PAX5: variants seen among roughly 807,000 people sequenced by gnomAD.
The protein encoded by PAX5 is paired box protein Pax-5.
PAX5 carries 9 observed loss-of-function variants against 43.7 expected under a neutral mutation model. The observed-to-expected ratio is 0.21, with a 90% CI of 0.12 to 0.36. The LOEUF (loss-of-function observed/expected upper bound fraction) is 0.36, where lower values mean the gene tolerates loss of function less well. Among genes scored for constraint, PAX5 ranks in the 10% least tolerant of loss-of-function variants. The probability of loss-of-function intolerance (pLI) is 1.00; values close to 1 mark genes in which losing one functional copy is unlikely to be tolerated. For synonymous variants in PAX5, 228 were observed against 214.3 expected (o/e 1.06, Z -0.56); for missense variants, 383 against 532.7 (o/e 0.72, Z 2.77).
chr9:36,864,872 A>G (rs1893934), intron 8 of PAX5, among the ~76,000 whole-genome samples: 132,657 of 152,208 alleles, frequency 0.87, 58,238 homozygotes, highest in East Asian at 0.97. Context: ...AGACGAGGCC[A>G]GAGAGGCGCT....
intron 7 of PAX5, among the ~76,000 whole-genome samples, chr9:36,917,159 C>A (rs896162509): frequency 1.3e-5 from 2 of 152,090 alleles, no homozygotes; most frequent in Admixed American, 6.6e-5. Flanking sequence ...AAAGTATAAA[C>A]AGGTCTTTGG....
At chr9:36,843,144 A>ATG (rs1263026912) in intron 9 of PAX5, among the ~76,000 whole-genome samples, 1 of 151,566 alleles carries the variant, frequency 6.6e-6, no homozygotes, top group East Asian at 1.9e-4. Flanking sequence ...GTGTGTGTGC[A>ATG]TGTGTGTGTG....
At position 36,834,104 on chromosome 9, in the gene PAX5, A is replaced by G; in HGVS notation, c.*6456T>C. ...CCACTAGAGGGTGAAAAACCAGGGC[A>G]GCGTCTTCCAGCAGGAGTCAGGGCA... On this transcript the variant is annotated 3_prime_UTR_variant, in exon 10 of 10. Transcript: ENST00000358127. 1 of 233,314 alleles carries G rather than the reference A, an allele frequency of 4.3e-6. No homozygotes were observed. The highest frequency in any genetic ancestry group is 8.5e-6 in the Non-Finnish European group (1 of 118,034). The allele number at this position is 233,314 out of a possible 1,614,324, so 14.5% of individuals were successfully genotyped here. A position where few individuals can be genotyped will look rare whatever the true frequency, so the allele number is the denominator to read the frequency against.
At chr9:36,969,443 G>C (rs190292821) in intron 5 of PAX5, among the ~76,000 whole-genome samples, 2 of 152,336 alleles carry the variant, frequency 1.3e-5, no homozygotes, top group East Asian at 3.9e-4. Flanking sequence ...AGGGCCCCTG[G>C]GGGCAAGGTC....
At chr9:36,847,028 C>A in intron 8 of PAX5, 99 bp from the exon 9 acceptor site, 1 of 776,972 alleles carries the variant, frequency 1.3e-6, no homozygotes, top group Non-Finnish European at 2.2e-6. Context: ...ATGGCATTTG[C>A]CTCTTCCGTG....
At chr9:36,969,597 GCCCCTCTCTGCAGTCT>G (rs1834766740) in intron 5 of PAX5, among the ~76,000 whole-genome samples, 1 of 152,220 alleles carries the variant, frequency 6.6e-6, no homozygotes, top group Non-Finnish European at 1.5e-5. Flanking sequence ...CTGGACACGC[GCCCCTCTCTGCAGTCT>G]CCCCAGAAGC....
chr9:36,928,435 T>C (rs1191561884), intron 6 of PAX5, among the ~76,000 whole-genome samples: 1 of 152,228 alleles, frequency 6.6e-6, no homozygotes, highest in Non-Finnish European at 1.5e-5. Flanking sequence ...GCTTCCATAC[T>C]TGGTGGCTTT....
At chr9:36,987,867 A>G (rs1252805529) in intron 5 of PAX5, among the ~76,000 whole-genome samples, 1 of 152,224 alleles carries the variant, frequency 6.6e-6, no homozygotes, top group Non-Finnish European at 1.5e-5. Flanking sequence ...AGAGGGAGGT[A>G]CGCAGGTTCT....
intron 6 of PAX5, among the ~76,000 whole-genome samples, chr9:36,963,867 C>A (rs1050558957): frequency 1.3e-5 from 2 of 152,182 alleles, no homozygotes; most frequent in African/African-American, 4.8e-5. Flanking sequence ...TGTTCACTTG[C>A]TGGGTGACCT....
At chr9:37,003,592 C>T (rs969789545) in intron 4 of PAX5, among the ~76,000 whole-genome samples, 6 of 152,176 alleles carry the variant, frequency 3.9e-5, no homozygotes, top group African/African-American at 1.4e-4. Flanking sequence ...AATCCCAGCA[C>T]TTTGGAAGGC....
At chr9:37,014,312 T>C (rs1839207621) in intron 3 of PAX5, among the ~76,000 whole-genome samples, 1 of 152,224 alleles carries the variant, frequency 6.6e-6, no homozygotes, top group South Asian at 2.1e-4. Context: ...TCTCTGGTTC[T>C]TTCTCTCCCT....
Position 37,015,592 on chromosome 9 carries a change from T to G in PAX5, c.213-398A>C, listed in dbSNP as rs1839313276. On this transcript the variant is annotated intron_variant, in intron 2 of 9. Coordinates refer to ENST00000358127, the MANE Select transcript of PAX5 (RefSeq NM_016734.3). The surrounding 1 kb of genome is among the most constrained non-coding windows in gnomAD (Gnocchi z 4.4). ...AGCTCTCATAGTATTTCTTTTTTTT[T>G]TTTTCAGACGGAGTTTCGCTCTTGT... 6.6e-6 allele frequency among the ~76,000 whole-genome samples: 1 copy of G among 152,114 alleles called. No individual in the cohort carries two copies. Among genetic ancestry groups the G allele is most frequent in the South Asian group, 2.1e-4 (1 of 4,820 alleles).
intron 6 of PAX5, among the ~76,000 whole-genome samples, chr9:36,932,045 C>T (rs1254317914): frequency 1.3e-5 from 2 of 151,998 alleles, no homozygotes; most frequent in Non-Finnish European, 2.9e-5. Flanking sequence ...GAGGCTGAGG[C>T]AGGAGGATTA....
Position 36,882,267 on chromosome 9 carries a change from T to TACACAC in PAX5, c.911-168_911-163dup, listed in dbSNP as rs10650417. 0.013 allele frequency among the ~76,000 whole-genome samples: 1,953 copies of TACACAC among 146,364 alleles called. 41 individuals are homozygous for TACACAC. Among genetic ancestry groups the TACACAC allele is most frequent in the African/African-American group, 0.046 (1,854 of 40,242 alleles). ...GCTCACACGCTCTCACAAACACACA[T>TACACAC]ACACACACACACACACACACACACA... On this transcript the variant is annotated intron_variant, in intron 7 of 9. Transcript: ENST00000358127. This position sits in a 1 kb window ranked among gnomAD's most constrained non-coding sequence, Gnocchi z 4.4.
chr9:36,987,403 T>C (rs1303367375), intron 5 of PAX5, among the ~76,000 whole-genome samples: 1 of 152,248 alleles, frequency 6.6e-6, no homozygotes, highest in Non-Finnish European at 1.5e-5. Context: ...TGAACTACAA[T>C]GATACTCTCA....
At chr9:36,952,833 C>T (rs920784505) in intron 6 of PAX5, among the ~76,000 whole-genome samples, 8 of 152,162 alleles carry the variant, frequency 5.3e-5, no homozygotes, top group Non-Finnish European at 1.0e-4. Flanking sequence ...TCACTCCATA[C>T]ATTGTTATTA....
chr9:36,990,442 A>C (rs773894126), intron 5 of PAX5, among the ~76,000 whole-genome samples: 5 of 152,210 alleles, frequency 3.3e-5, no homozygotes, highest in Non-Finnish European at 7.3e-5. Context: ...CAGCCTTGTT[A>C]AGAAGTTTGC....
At chr9:37,003,044 A>C (rs1449167625) in intron 4 of PAX5, among the ~76,000 whole-genome samples, 2 of 151,318 alleles carry the variant, frequency 1.3e-5, no homozygotes, top group Non-Finnish European at 2.9e-5. Flanking sequence ...GAACACGGGG[A>C]CACGGGGACA....
chr9:36,925,281 G>T (rs2131981377), intron 6 of PAX5, among the ~76,000 whole-genome samples: 1 of 152,282 alleles, frequency 6.6e-6, no homozygotes, highest in African/African-American at 2.4e-5. Context: ...AGGGCTCTTT[G>T]ATCCTCATTC....
Sources: allele counts gnomAD v4.1 joint callset (sites outside exome capture counted in the v4.1 genomes callset), GRCh38; gene constraint gnomAD v4.1.1; non-coding constraint Gnocchi (gnomAD v3.1); transcripts MANE v1.5; gene names NCBI Gene and HGNC (gene_info 2026-07-23, HGNC 2026-07-21).